Variants in GRIN2A observed in about 807,000 individuals in gnomAD.
GRIN2A encodes glutamate receptor ionotropic, NMDA 2A.
In GRIN2A, 22 loss-of-function variants were observed where a neutral mutation model predicts 113.4. That is an observed-to-expected ratio of 0.19 (90% CI 0.14 to 0.28). The LOEUF is 0.28. GRIN2A is among the 10% of genes least tolerant of loss of function. GRIN2A has a pLI of 1.00. For missense variants in GRIN2A, 1,502 were observed against 1,887.0 expected, an observed-to-expected ratio of 0.80 and a Z score of 3.78; for synonymous variants, 827 against 738.4, an observed-to-expected ratio of 1.12 and a Z score of -1.94.
intron 11 of GRIN2A, among the ~76,000 whole-genome samples, chr16:9,777,806 G>A (rs1042476115): frequency 6.6e-6 from 1 of 152,234 alleles, no homozygotes; most frequent in East Asian, 1.9e-4. Flanking sequence ...GCTCACGCCT[G>A]TAATCCCAGC....
At chr16:10,077,676 C>T (rs1332723505) in intron 2 of GRIN2A, among the ~76,000 whole-genome samples, 2 of 152,188 alleles carry the variant, frequency 1.3e-5, no homozygotes, top group African/African-American at 4.8e-5. Flanking sequence ...GGTTACCTTT[C>T]TGCCCTCATC....
intron 2 of GRIN2A, chr16:10,111,841 T>G: frequency 8.9e-7 from 1 of 1,119,756 alleles, no homozygotes; most frequent in Non-Finnish European, 1.3e-6. Context: ...GGGGAGCAAG[T>G]TGGTGGGCAT....
At chr16:9,997,633 T>C (rs1567225250) in intron 2 of GRIN2A, among the ~76,000 whole-genome samples, 3 of 152,188 alleles carry the variant, frequency 2.0e-5, no homozygotes, top group African/African-American at 2.4e-5. Context: ...TGTCTATGCA[T>C]TGATGTGCTA....
At chr16:10,073,304 A>C (rs545354642) in intron 2 of GRIN2A, among the ~76,000 whole-genome samples, 1 of 152,308 alleles carries the variant, frequency 6.6e-6, no homozygotes, top group South Asian at 2.1e-4. Context: ...AAAGATGGAA[A>C]GTGCTTGCAG....
intron 4 of GRIN2A, among the ~76,000 whole-genome samples, chr16:9,871,937 C>T (rs2043269669): frequency 6.6e-6 from 1 of 152,138 alleles, no homozygotes; most frequent in Non-Finnish European, 1.5e-5. Flanking sequence ...GCTTCGGAGT[C>T]AGACAAATGG....
intron 4 of GRIN2A, among the ~76,000 whole-genome samples, chr16:9,877,000 T>A (rs1349089333): frequency 6.6e-6 from 1 of 152,200 alleles, no homozygotes; most frequent in African/African-American, 2.4e-5. Flanking sequence ...GCAGATACCA[T>A]CCCTGTGAAT....
At chr16:9,954,883 G>A (rs184443071) in intron 2 of GRIN2A, among the ~76,000 whole-genome samples, 111 of 152,224 alleles carry the variant, frequency 7.3e-4, no homozygotes, top group Admixed American at 2.0e-3. Context: ...CCAGGCCAGC[G>A]TCCTTTATGT....
At chr16:10,150,158 C>A (rs1038157191) in intron 2 of GRIN2A, among the ~76,000 whole-genome samples, 4 of 152,234 alleles carry the variant, frequency 2.6e-5, no homozygotes, top group African/African-American at 9.6e-5. Flanking sequence ...AGTCTGTTTA[C>A]ACATCCAGTT....
At chr16:10,057,920 C>G (rs966143488) in intron 2 of GRIN2A, among the ~76,000 whole-genome samples, 1 of 152,140 alleles carries the variant, frequency 6.6e-6, no homozygotes, top group African/African-American at 2.4e-5. Flanking sequence ...GCTGGTGAAG[C>G]CTTCAAATTC....
At chr16:9,857,477 CA>C (rs750670505) in intron 4 of GRIN2A, among the ~76,000 whole-genome samples, 43 of 152,116 alleles carry the variant, frequency 2.8e-4, no homozygotes, top group Non-Finnish European at 5.3e-4. Flanking sequence ...TTTTTGAATT[CA>C]AAAGGGAGAG....
At chr16:9,966,730 CCCA>C (rs1490928884) in intron 2 of GRIN2A, among the ~76,000 whole-genome samples, 1 of 152,192 alleles carries the variant, frequency 6.6e-6, no homozygotes. Context: ...AATCTACACT[CCCA>C]CCAACAGTGT....
At chr16:9,890,943 C>T (rs1159300541) in intron 4 of GRIN2A, 43 bp downstream of exon 4, 7 of 1,239,442 alleles carry the variant, frequency 5.6e-6, no homozygotes, top group Non-Finnish European at 8.4e-6. Context: ...ATTGCCCATG[C>T]TTTCTTCCCT....
At chr16:10,013,345 G>A (rs879380628) in intron 2 of GRIN2A, among the ~76,000 whole-genome samples, 1 of 152,120 alleles carries the variant, frequency 6.6e-6, no homozygotes, top group Non-Finnish European at 1.5e-5. Flanking sequence ...TGGCCATCCA[G>A]CCTTAAGCAT....
At chr16:9,900,786 C>T (rs930278470) in intron 3 of GRIN2A, among the ~76,000 whole-genome samples, 1 of 152,140 alleles carries the variant, frequency 6.6e-6, no homozygotes, top group African/African-American at 2.4e-5. Flanking sequence ...CCATTAACCT[C>T]TCATGACTAA....
At chr16:9,818,502 A>AT (rs1425548696) in intron 10 of GRIN2A, among the ~76,000 whole-genome samples, 2 of 152,138 alleles carry the variant, frequency 1.3e-5, no homozygotes, top group African/African-American at 2.4e-5. Flanking sequence ...GAAAAAAAAA[A>AT]GCAAGCTCAA....
intron 10 of GRIN2A, among the ~76,000 whole-genome samples, chr16:9,808,376 C>T (rs542672556): frequency 2.6e-5 from 4 of 152,272 alleles, no homozygotes; most frequent in South Asian, 4.2e-4. Context: ...CCTTTAAGCA[C>T]CCCATCATAC....
chr16:9,963,551 A>C (rs962751908), intron 2 of GRIN2A, among the ~76,000 whole-genome samples: 4 of 152,114 alleles, frequency 2.6e-5, no homozygotes, highest in Non-Finnish European at 5.9e-5. Context: ...TTTTTAAAAA[A>C]TGTTCTGCAT....
chr16:10,015,194 A>G lies in GRIN2A; in HGVS notation c.415-76643T>C, dbSNP rs1173091114. Among the ~76,000 whole-genome samples, 20 of 129,806 alleles carry G rather than the reference A, an allele frequency of 1.5e-4. No homozygotes were observed. In the Admixed American group the frequency reaches 1.9e-3, roughly 12 times the overall value. 85.2% of individuals were successfully genotyped at this position (129,806 alleles called of 152,430 possible). On this transcript the variant is annotated intron_variant, in intron 2 of 12. Transcript: ENST00000330684. ...ACTTGAACCGGGAGGCGGAGGTCGCAGTGAGCTGAGATCGCACCACCGCAC... is the reference window on the plus strand; with the variant it reads ...ACTTGAACCGGGAGGCGGAGGTCGCGGTGAGCTGAGATCGCACCACCGCAC...
intron 2 of GRIN2A, among the ~76,000 whole-genome samples, chr16:10,130,953 G>T (rs2049049291): frequency 6.6e-6 from 1 of 152,198 alleles, no homozygotes; most frequent in Admixed American, 6.5e-5. Flanking sequence ...GACTAAGAGG[G>T]ACAGAGGCAG....
Sources: gnomAD v4.1 joint callset for allele counts (sites outside exome capture counted in the v4.1 genomes callset) on GRCh38, gnomAD v4.1.1 for gene constraint, MANE v1.5 for transcripts, NCBI Gene and HGNC (gene_info 2026-07-23, HGNC 2026-07-21) for gene names.